The following MYH15 variants were observed in gnomAD, a reference collection of about 807,000 sequenced individuals.
MYH15 encodes the protein myosin-15.
A neutral mutation model predicts 240.5 loss-of-function variants in MYH15; 227 were observed. The ratio of observed to expected loss-of-function variants is 0.94; its 90% confidence interval spans 0.85 to 1.05. MYH15 has a LOEUF of 1.05. MYH15 is among the 50% of genes least tolerant of loss of function. The pLI is 0.00. For missense variants in MYH15, 2,217 were observed against 2,247.5 expected, an observed-to-expected ratio of 0.99 and a Z score of 0.27; for synonymous variants, 785 against 796.7, an observed-to-expected ratio of 0.99 and a Z score of 0.25.
At chr3:108,413,430 A>C (rs1223797416) in intron 30 of MYH15, among the ~76,000 whole-genome samples, 1 of 152,212 alleles carries the variant, frequency 6.6e-6, no homozygotes, top group Non-Finnish European at 1.5e-5. Flanking sequence ...TTTCTGGTTG[A>C]AGCTAAAGAG....
intron 1 of MYH15, among the ~76,000 whole-genome samples, chr3:108,527,622 T>A (rs2083682986): frequency 6.6e-6 from 1 of 152,026 alleles, no homozygotes; most frequent in South Asian, 2.1e-4. Context: ...TGTCTCTGAA[T>A]TTCTCAGTAT....
upstream of MYH15, among the ~76,000 whole-genome samples, chr3:108,531,471 G>T (rs577381474): frequency 6.6e-6 from 1 of 152,194 alleles, no homozygotes; most frequent in East Asian, 1.9e-4. Flanking sequence ...ATTTGCAGCA[G>T]GTCTCCAAGG....
At chr3:108,383,249 A>G (rs2082356528) in intron 40 of MYH15, among the ~76,000 whole-genome samples, 1 of 152,182 alleles carries the variant, frequency 6.6e-6, no homozygotes, top group Admixed American at 6.5e-5. Context: ...CTGAATTTTG[A>G]GCCGATCCAT....
intron 7 of MYH15, among the ~76,000 whole-genome samples, chr3:108,493,429 C>G (rs1300629128): frequency 6.6e-6 from 1 of 152,220 alleles, no homozygotes; most frequent in Non-Finnish European, 1.5e-5. Flanking sequence ...GTGGTTCTGG[C>G]TTGTAGCCCC....
chr3:108,404,550 T>A (rs144021968), intron 33 of MYH15, among the ~76,000 whole-genome samples: 1 of 152,202 alleles, frequency 6.6e-6, no homozygotes, highest in African/African-American at 2.4e-5. Flanking sequence ...TTCTGTGACA[T>A]GTAGGGACTG....
At chr3:108,452,438 T>C (rs1409180570) in intron 21 of MYH15, among the ~76,000 whole-genome samples, 3 of 151,932 alleles carry the variant, frequency 2.0e-5, no homozygotes, top group South Asian at 2.1e-4. Flanking sequence ...AGCTGGAAAA[T>C]TGATAAATAA....
At chr3:108,534,968 T>C in the MYH15 span, among the ~76,000 whole-genome samples, 4 of 152,158 alleles carry the variant, frequency 2.6e-5, no homozygotes, top group Non-Finnish European at 5.9e-5. Context: ...GTATTTCAGT[T>C]CTTCTGTATT....
intron 1 of MYH15, among the ~76,000 whole-genome samples, chr3:108,518,727 C>T (rs564369411): frequency 9.5e-4 from 145 of 152,318 alleles, no homozygotes; most frequent in African/African-American, 3.2e-3. Flanking sequence ...ACATTCAGCC[C>T]TGTCCCTCAT....
chr3:108,541,779 A>G, the MYH15 span, among the ~76,000 whole-genome samples: 1 of 152,160 alleles, frequency 6.6e-6, no homozygotes, highest in Admixed American at 6.5e-5. Context: ...CTTAAACTAT[A>G]TTGATCAATG....
intron 33 of MYH15, among the ~76,000 whole-genome samples, chr3:108,400,552 C>T (rs1012294275): frequency 6.6e-5 from 10 of 152,300 alleles, no homozygotes; most frequent in South Asian, 4.2e-4. Flanking sequence ...ACAGGCCGGG[C>T]GCAGTGGCTC....
intron 11 of MYH15, among the ~76,000 whole-genome samples, chr3:108,481,823 A>T (rs1412578359): frequency 6.6e-6 from 1 of 152,220 alleles, no homozygotes; most frequent in African/African-American, 2.4e-5. Flanking sequence ...AACCAAAATT[A>T]CATTTGCACC....
chr3:108,512,696 A>C (rs1358875518), upstream of MYH15, among the ~76,000 whole-genome samples: 4 of 152,140 alleles, frequency 2.6e-5, no homozygotes, highest in Non-Finnish European at 5.9e-5. Flanking sequence ...CATAATTAAC[A>C]GATTTTTTAC....
chr3:108,534,761 G>T, the MYH15 span, among the ~76,000 whole-genome samples: 5 of 150,452 alleles, frequency 3.3e-5, no homozygotes, highest in African/African-American at 1.2e-4. Flanking sequence ...TGCACCTGTA[G>T]TCCCAGCTAC....
At chr3:108,508,553 T>A (rs2083496692) in intron 1 of MYH15, among the ~76,000 whole-genome samples, 1 of 152,232 alleles carries the variant, frequency 6.6e-6, no homozygotes, top group East Asian at 1.9e-4. Flanking sequence ...CAATTAAATA[T>A]CTTTTCCAAT....
At chr3:108,397,276 T>C (rs932310857) in intron 35 of MYH15, among the ~76,000 whole-genome samples, 2 of 152,162 alleles carry the variant, frequency 1.3e-5, no homozygotes, top group Non-Finnish European at 2.9e-5. Context: ...CTTCTGGCTA[T>C]CCACCGAATA....
At position 108,489,778 on chromosome 3, in the gene MYH15, C is replaced by G. The variant is rs561379499; in HGVS notation, c.871+2722G>C. ...TTAAGCCTCAGGATACTCTGAAGCT[C>G]TTCTTTAGCAAACATGGATGGTAAG... is the stretch of plus-strand genomic sequence containing the variant. On this transcript the variant is annotated intron_variant, in intron 9 of 40. Transcript: ENST00000693548. 1.3e-4 allele frequency among the ~76,000 whole-genome samples: 20 copies of G among 152,298 alleles called. No individual in the cohort carries two copies. The South Asian group carries it at 3.7e-3, about 28-fold the overall frequency.
At chr3:108,456,618 T>C in intron 19 of MYH15, 148 bp downstream of exon 19, 1 of 608,026 alleles carries the variant, frequency 1.6e-6, no homozygotes, top group Non-Finnish European at 3.0e-6. Flanking sequence ...TGGAACTCTG[T>C]CATCATATAT....
At chr3:108,514,789 G>A (rs552336842), upstream of MYH15, among the ~76,000 whole-genome samples, 1 of 152,176 alleles carries the variant, frequency 6.6e-6, no homozygotes, top group East Asian at 1.9e-4. Flanking sequence ...CTTAAGATGA[G>A]AAAACACGTT....
At chr3:108,540,140 A>G in the MYH15 span, among the ~76,000 whole-genome samples, 33 of 152,206 alleles carry the variant, frequency 2.2e-4, no homozygotes, top group African/African-American at 7.7e-4. Flanking sequence ...GTATTAATAT[A>G]TTTAGTTATA....
Sources: gnomAD v4.1 joint callset for allele counts (sites outside exome capture counted in the v4.1 genomes callset) on GRCh38, gnomAD v4.1.1 for gene constraint, MANE v1.5 for transcripts, NCBI Gene and HGNC (gene_info 2026-07-23, HGNC 2026-07-21) for gene names.